Variants in FLRT2 observed in about 807,000 individuals in gnomAD.
FLRT2 encodes the protein fibronectin leucine rich transmembrane protein 2, also known as leucine-rich repeat transmembrane protein FLRT2.
In FLRT2, 15 loss-of-function variants were observed where a neutral mutation model predicts 40.0. That is an observed-to-expected ratio of 0.38 (90% CI 0.25 to 0.58). The LOEUF (loss-of-function observed/expected upper bound fraction) is 0.58. Ranked by LOEUF, FLRT2 falls within the 20% of genes least tolerant of loss-of-function variation. The probability of loss-of-function intolerance (pLI) is 0.71; values close to 1 mark genes in which losing one functional copy is unlikely to be tolerated. For missense variants in FLRT2, 726 were observed against 840.0 expected, an observed-to-expected ratio of 0.86 and a Z score of 1.68; for synonymous variants, 380 against 336.8, an observed-to-expected ratio of 1.13 and a Z score of -1.41.
chr14:85,603,790 C>T (rs929254773), intron 1 of FLRT2, among the ~76,000 whole-genome samples: 1 of 152,148 alleles, frequency 6.6e-6, no homozygotes. Context: ...ATCAATTGAA[C>T]CCAGGAGGTG....
chr14:85,629,068 C>G lies in FLRT2; in HGVS notation c.*5571C>G, dbSNP rs1250578754. On this transcript the variant is annotated 3_prime_UTR_variant, in exon 2 of 2. Transcript: ENST00000330753. ...TTCTACAGCACTATGTTAGGGTCTT[C>G]CGGGGATTCAGAGAAAAGTGTCTGT... The G allele has an allele frequency of 2.0e-5, 3 of 152,118 alleles. No individual in the cohort carries two copies. Among genetic ancestry groups the G allele is most frequent in the African/African-American group, 7.2e-5 (3 of 41,418 alleles). The allele number at this position is 152,118 out of a possible 1,614,324, so 9.4% of individuals were successfully genotyped here. A position where few individuals can be genotyped will look rare whatever the true frequency, so the allele number is the denominator to read the frequency against.
At chr14:85,584,435 A>G (rs370841876) in intron 1 of FLRT2, among the ~76,000 whole-genome samples, 1 of 152,184 alleles carries the variant, frequency 6.6e-6, no homozygotes, top group East Asian at 1.9e-4. Context: ...TTAATTCTGT[A>G]TTTCTGTAAA....
intron 1 of FLRT2, among the ~76,000 whole-genome samples, chr14:85,597,212 T>C (rs1892179217): frequency 6.6e-6 from 1 of 151,908 alleles, no homozygotes; most frequent in African/African-American, 2.4e-5. Context: ...AGCTGGAAAA[T>C]GAGAGAATAT....
chr14:85,603,429 T>C (rs1331953123), intron 1 of FLRT2, among the ~76,000 whole-genome samples: 1 of 152,220 alleles, frequency 6.6e-6, no homozygotes, highest in Non-Finnish European at 1.5e-5. Context: ...ATATAAAGAA[T>C]AGCTGTGTCT....
chr14:85,617,153 A>G (rs545297786), intron 1 of FLRT2, among the ~76,000 whole-genome samples: 1 of 152,228 alleles, frequency 6.6e-6, no homozygotes, highest in South Asian at 2.1e-4. Flanking sequence ...TCTGGCACAA[A>G]ATGTCAGTAG....
chr14:85,575,201 G>C (rs1158176283), intron 1 of FLRT2, among the ~76,000 whole-genome samples: 2 of 152,206 alleles, frequency 1.3e-5, no homozygotes, highest in African/African-American at 4.8e-5. Flanking sequence ...TGCAATGGGG[G>C]TTGTGATTGT....
rs1020436238 is a variant in FLRT2 at position 85,623,088 on chromosome 14, C to A, written c.1574C>A (p.Thr525Lys). 2 of 1,613,946 alleles carry A rather than the reference C, an allele frequency of 1.2e-6. No individual in the cohort carries two copies. Among genetic ancestry groups the A allele is most frequent in the Non-Finnish European group, 8.5e-7 (1 of 1,179,974 alleles). ...TCCTATCTGAACAACGGCAGCAACACAGCGTCCAGCCATGAGCAGACGACG... is the reference window on the plus strand; with the variant it reads ...TCCTATCTGAACAACGGCAGCAACAAAGCGTCCAGCCATGAGCAGACGACG... ...HASYLNNGSN[T>K]ASSHEQTTSH... is the part of the protein sequence containing the mutation. Residue 525 changes from threonine (T) to lysine (K), a missense_variant, in exon 2 of 2, where the codon ACA becomes AAA. By Grantham distance (78) the Thr-to-Lys change is moderately conservative (BLOSUM62 -1). Around this residue, in one of 3 missense-constraint regions of FLRT2, gnomAD observed 611 missense variants for 690.0 expected, o/e 0.89. Transcript: ENST00000330753.
intron 1 of FLRT2, among the ~76,000 whole-genome samples, chr14:85,602,432 T>C (rs1010099275): frequency 5.9e-5 from 9 of 152,192 alleles, no homozygotes; most frequent in Admixed American, 6.5e-5. Flanking sequence ...GCACTTCCGA[T>C]TTTATTAAAG....
chr14:85,600,620 C>A (rs1179900956), intron 1 of FLRT2, among the ~76,000 whole-genome samples: 4 of 152,080 alleles, frequency 2.6e-5, no homozygotes, highest in Admixed American at 2.6e-4. Context: ...TTGAAAGAGA[C>A]CATTAGATTT....
chr14:85,530,383 A>G lies in FLRT2; in HGVS notation c.-528A>G, dbSNP rs1888196924. 1 of 152,300 alleles carries G rather than the reference A, an allele frequency of 6.6e-6. No homozygotes were observed. The highest frequency in any genetic ancestry group is 2.4e-5 in the African/African-American group (1 of 41,344). The allele number at this position is 152,300 out of a possible 1,614,324, so 9.4% of individuals were successfully genotyped here. A position where few individuals can be genotyped will look rare whatever the true frequency, so the allele number is the denominator to read the frequency against. ...CCCTGGGATCAGGGTGGCAGTTCTC[A>G]ACGATGGGCAGGAGGGACCTCGGCG... On this transcript the variant is annotated 5_prime_UTR_variant, in exon 1 of 2. Transcript: ENST00000330753.
intron 1 of FLRT2, among the ~76,000 whole-genome samples, chr14:85,609,878 C>T (rs138343692): frequency 4.6e-5 from 7 of 152,170 alleles, no homozygotes; most frequent in Non-Finnish European, 7.4e-5. Flanking sequence ...TTCAAATTAT[C>T]GGAGGTTGTT....
chr14:85,552,440 G>A (rs1889691010), intron 1 of FLRT2, among the ~76,000 whole-genome samples: 1 of 152,186 alleles, frequency 6.6e-6, no homozygotes, highest in Non-Finnish European at 1.5e-5. Context: ...ATGCAATTAA[G>A]TGCTCAATAG....
At chr14:85,611,635 C>G (rs1892865258) in intron 1 of FLRT2, among the ~76,000 whole-genome samples, 1 of 152,064 alleles carries the variant, frequency 6.6e-6, no homozygotes, top group South Asian at 2.1e-4. Flanking sequence ...TCCCAAGGAC[C>G]AGGGCCTACA....
chr14:85,587,624 C>T (rs1351759103), intron 1 of FLRT2, among the ~76,000 whole-genome samples: 1 of 151,778 alleles, frequency 6.6e-6, no homozygotes, highest in Non-Finnish European at 1.5e-5. Flanking sequence ...CAAACCCTAC[C>T]GCAGGTTCAG....
chr14:85,584,205 A>T (rs1271564018), intron 1 of FLRT2, among the ~76,000 whole-genome samples: 1 of 152,182 alleles, frequency 6.6e-6, no homozygotes, highest in African/African-American at 2.4e-5. Context: ...CTACTTGCCT[A>T]GCAAAATGAA....
In FLRT2 at chr14:85,642,426, G is replaced by T. The variant is rs1220700135; in HGVS notation, c.*18929G>T. 1 of 152,174 alleles carries T rather than the reference G, an allele frequency of 6.6e-6. No homozygotes were observed. The highest frequency in any genetic ancestry group is 2.4e-5 in the African/African-American group (1 of 41,434). 9.4% of individuals were successfully genotyped at this position (152,174 alleles called of 1,614,324 possible). On this transcript the variant is annotated 3_prime_UTR_variant, in exon 2 of 2. Coordinates refer to ENST00000330753, the MANE Select transcript of FLRT2 (RefSeq NM_013231.6). ...CTTTGTGGGGAGAACTAACTTACCT[G>T]AGGTAACTAATGTAAAATAGCTTGT...
intron 1 of FLRT2, among the ~76,000 whole-genome samples, chr14:85,534,139 C>T (rs536282384): frequency 5.9e-5 from 9 of 152,304 alleles, no homozygotes; most frequent in African/African-American, 2.2e-4. Flanking sequence ...CGAGCGCTGG[C>T]AGATCACTAG....
chr14:85,536,756 A>C (rs1888687150), intron 1 of FLRT2, among the ~76,000 whole-genome samples: 1 of 151,650 alleles, frequency 6.6e-6, no homozygotes, highest in Non-Finnish European at 1.5e-5. Flanking sequence ...GATTTTTCTA[A>C]TACAGAGTTC....
intron 1 of FLRT2, among the ~76,000 whole-genome samples, chr14:85,533,900 C>T (rs1403649125): frequency 6.6e-6 from 1 of 152,028 alleles, no homozygotes; most frequent in African/African-American, 2.4e-5. Flanking sequence ...CGCCGCCACC[C>T]GGAGGACCCA....
Sources: gnomAD v4.1 joint callset for allele counts (sites outside exome capture counted in the v4.1 genomes callset) on GRCh38, gnomAD v4.1.1 for gene constraint, gnomAD v4.1.1 regional missense constraint, MANE v1.5 for transcripts, NCBI Gene and HGNC (gene_info 2026-07-23, HGNC 2026-07-21) for gene names.